Variants in BOC observed in about 807,000 individuals in gnomAD.
BOC encodes the protein brother of CDO.
Under a neutral mutation model 112.0 loss-of-function variants are expected in BOC, and 76 were observed. That is an observed-to-expected ratio of 0.68 (90% CI 0.56 to 0.82). BOC has a LOEUF of 0.82. Among genes scored for constraint, BOC ranks in the 40% least tolerant of loss-of-function variants. BOC has a pLI of 0.00. For synonymous variants in BOC, 580 were observed against 599.8 expected (o/e 0.97, Z 0.48); for missense variants, 1,309 against 1,511.7 (o/e 0.87, Z 2.22).
chr3:113,236,286 A>ATATATATATATATATACCCATGGG (rs1559821631), intron 2 of BOC, among the ~76,000 whole-genome samples: 4 of 15,138 alleles, frequency 2.6e-4, no homozygotes, highest in African/African-American at 1.0e-3. Context: ...CCATGGGTAT[A>ATATATATATATATATACCCATGGG]TATATATATA....
intron 2 of BOC, among the ~76,000 whole-genome samples, chr3:113,227,142 A>C (rs1436625198): frequency 6.6e-6 from 1 of 152,240 alleles, no homozygotes; most frequent in East Asian, 1.9e-4. Flanking sequence ...CTGCTGATTT[A>C]TAATTCTCCC....
chr3:113,272,487 A>G lies in BOC; in HGVS notation c.745A>G (p.Ile249Val), dbSNP rs373889456. 2.9e-5 allele frequency: 47 copies of G among 1,613,624 alleles called. No individual in the cohort carries two copies. In the African/African-American group the frequency reaches 6.3e-4, roughly 22 times the overall value. Residue 249 changes from isoleucine (I) to valine (V), a missense_variant, in exon 7 of 20, where the codon ATT (isoleucine) becomes GTT (valine). By Grantham distance (29) the Ile-to-Val change is conservative (BLOSUM62 3). Coordinates refer to ENST00000682979, the MANE Select transcript of BOC (RefSeq NM_001378074.1). ...TIIVTKGQSLILECVASGIPP... is the reference protein window; with the variant it reads ...TIIVTKGQSLVLECVASGIPP... ...CATCGTCACCAAAGGCCAGAGTCTCATTCTGGAGTGTGTGGCCAGTGGAAT... is the reference window on the plus strand; with the variant it reads ...CATCGTCACCAAAGGCCAGAGTCTCGTTCTGGAGTGTGTGGCCAGTGGAAT...
chr3:113,272,899 A>G (rs998369202), intron 7 of BOC, among the ~76,000 whole-genome samples, 170 bp from the exon 8 acceptor site: 1 of 151,944 alleles, frequency 6.6e-6, no homozygotes, highest in African/African-American at 2.4e-5. Flanking sequence ...CCCTCCTGTC[A>G]TGATTCTGAT....
At chr3:113,224,977 T>G (rs1181308215) in intron 2 of BOC, among the ~76,000 whole-genome samples, 2 of 152,100 alleles carry the variant, frequency 1.3e-5, no homozygotes, top group Non-Finnish European at 2.9e-5. Context: ...CTCGGGAGGC[T>G]GAGGCAGGAG....
chr3:113,273,260 G>GA lies in BOC; in HGVS notation c.1154dup (p.Asp385GlufsTer38). 6.2e-7 allele frequency: 1 copy of GA among 1,613,126 alleles called. No individual in the cohort carries two copies. The highest frequency in any genetic ancestry group is 8.5e-7 in the Non-Finnish European group (1 of 1,179,754). The stretch of plus-strand genomic sequence containing the variant: ...GCGCGTGCTCAGCATGGGGCCTGAG[G>GA]ACGAAGGCGTCTACCAGTGCATGGC... On this transcript the variant is annotated frameshift_variant, in exon 8 of 20. Transcript: ENST00000682979. LOFTEE classifies it high-confidence loss of function.
rs1163001413 is a variant in BOC at position 113,278,305 on chromosome 3, C to G, written c.1705+48C>G. ...TGCTTAGGGTTTCCGTGGGTCTAAG[C>G]AAGTTCCACTGGCCCAGGTGAGAAT... On this transcript the variant is annotated intron_variant, in intron 10 of 19. Coordinates refer to ENST00000682979, the MANE Select transcript of BOC (RefSeq NM_001378074.1). This position sits in a 1 kb window ranked among gnomAD's most constrained non-coding sequence, Gnocchi z 4.2. 3 of 1,590,804 alleles carry G rather than the reference C, an allele frequency of 1.9e-6. No individual in the cohort carries two copies. Among genetic ancestry groups the G allele is most frequent in the Admixed American group, 3.4e-5 (2 of 59,320 alleles).
intron 4 of BOC, among the ~76,000 whole-genome samples, 196 bp from the exon 5 acceptor site, chr3:113,268,103 A>G (rs1947702659): frequency 6.6e-6 from 1 of 152,152 alleles, no homozygotes; most frequent in East Asian, 1.9e-4. Flanking sequence ...AGTGAACCCC[A>G]TCAGTGATGA....
rs191732126 is a variant in BOC at position 113,229,369 on chromosome 3, C to T, written c.-82+13095C>T. Among the ~76,000 whole-genome samples the T allele has an allele frequency of 2.0e-5, 3 of 152,298 alleles. No homozygotes were observed. In the East Asian group the frequency reaches 5.8e-4, roughly 29 times the overall value. On this transcript the variant is annotated intron_variant, in intron 2 of 19. Coordinates refer to ENST00000682979, the MANE Select transcript of BOC (RefSeq NM_001378074.1). ...TTGGTGGCTTCTCAGGCTTTGATGT[C>T]CAAACGCTTAAATTTGCGCATGCTT...
rs1948831361 is a variant in BOC, at chr3:113,278,054, G to A, written c.1543-41G>A. The A allele has an allele frequency of 1.9e-6, 3 of 1,610,822 alleles. No individual in the cohort carries two copies. The highest frequency in any genetic ancestry group is 2.5e-6 in the Non-Finnish European group (3 of 1,177,686). On this transcript the variant is annotated intron_variant, in intron 9 of 19. Transcript: ENST00000682979. The surrounding 1 kb of genome is among the most constrained non-coding windows in gnomAD (Gnocchi z 4.2). Reference sequence around the variant, plus strand: ...GTAAACCATAGCCCACTCGTAGCCCGAGGCTGAGATGCCGGTCTTTATACC... The same window carrying A: ...GTAAACCATAGCCCACTCGTAGCCCAAGGCTGAGATGCCGGTCTTTATACC...
intron 5 of BOC, chr3:113,269,819 C>T (rs1009159960): frequency 6.6e-6 from 1 of 152,286 alleles, no homozygotes; most frequent in Non-Finnish European, 1.5e-5. Flanking sequence ...CCATCTGGCA[C>T]TTGCTAATAA....
intron 16 of BOC, 83 bp from the exon 17 acceptor site, chr3:113,284,252 C>A: frequency 1.7e-6 from 2 of 1,168,458 alleles, no homozygotes; most frequent in Non-Finnish European, 2.6e-6. Flanking sequence ...TGGCCAGGAG[C>A]CTCCTGAGAT....
intron 16 of BOC, among the ~76,000 whole-genome samples, chr3:113,283,917 A>C (rs1017356666): frequency 6.6e-6 from 1 of 151,910 alleles, no homozygotes; most frequent in Admixed American, 6.5e-5. Context: ...CTGACCTCAC[A>C]TTCCTACTTA....
At chr3:113,282,706 A>G (rs918453346) in intron 15 of BOC, among the ~76,000 whole-genome samples, 4 of 152,102 alleles carry the variant, frequency 2.6e-5, no homozygotes, top group African/African-American at 9.7e-5. Context: ...GGGAGGAACC[A>G]GGAAGGCCTC....
Position 113,216,253 on chromosome 3 carries a change from T to C in BOC, c.-103T>C, listed in dbSNP as rs1426037769. On this transcript the variant is annotated 5_prime_UTR_variant, in exon 2 of 20. Transcript: ENST00000682979. ...TGTCGACATTTATACCGTCTGAGGG[T>C]AGCAGCTCGAAAGTAGAAGAAGTGG... 7 of 456,282 alleles carry C rather than the reference T, an allele frequency of 1.5e-5. No homozygotes were observed. Among genetic ancestry groups the C allele is most frequent in the Non-Finnish European group, 3.1e-5 (7 of 226,884 alleles). The allele number at this position is 456,282 out of a possible 1,614,324, so 28.3% of individuals were successfully genotyped here. A position where few individuals can be genotyped will look rare whatever the true frequency, so the allele number is the denominator to read the frequency against.
chr3:113,274,264 G>T lies in BOC; in HGVS notation c.1235-111G>T. 9.6e-7 allele frequency: 1 copy of T among 1,044,452 alleles called. No homozygotes were observed. Among genetic ancestry groups the T allele is most frequent in the African/African-American group, 1.6e-5 (1 of 62,426 alleles). The allele number at this position is 1,044,452 out of a possible 1,614,324, so 64.7% of individuals were successfully genotyped here. On this transcript the variant is annotated intron_variant, in intron 8 of 19. Coordinates refer to ENST00000682979, the MANE Select transcript of BOC (RefSeq NM_001378074.1). This position sits in a 1 kb window ranked among gnomAD's most constrained non-coding sequence, Gnocchi z 4.8. ...CAGAGTGGGTGGCGGTACAGCTGAT[G>T]GTGGGCCCAGGTTGCCTCTCTGTCT... is the stretch of plus-strand genomic sequence containing the variant.
rs201443082 is a variant in BOC, at chr3:113,281,080, C to T, written c.2361C>T (p.Tyr787=). ...SISHLQPETS[Y]DIKMQCFNEG... ...GCCACCTGCAGCCAGAGACCTCCTA[C>T]GACATTAAGATGCAGTGCTTCAATG... is the stretch of plus-strand genomic sequence containing the variant. The change falls in exon 15 of 20, where the codon TAC becomes TAT. Residue 787 remains tyrosine, a synonymous_variant. Transcript: ENST00000682979. The T allele has an allele frequency of 9.3e-6, 15 of 1,613,996 alleles. No individual in the cohort carries two copies. The highest frequency in any genetic ancestry group is 5.5e-5 in the South Asian group (5 of 91,064).
At chr3:113,244,837 T>G (rs1181619549) in intron 2 of BOC, among the ~76,000 whole-genome samples, 1 of 152,224 alleles carries the variant, frequency 6.6e-6, no homozygotes, top group African/African-American at 2.4e-5. Flanking sequence ...TATAAGGAAG[T>G]AAATTCAGAA....
chr3:113,283,089 T>G (rs1031884812), intron 15 of BOC, among the ~76,000 whole-genome samples: 6 of 152,174 alleles, frequency 3.9e-5, no homozygotes, highest in Non-Finnish European at 7.3e-5. Flanking sequence ...AATATTTTCT[T>G]CCAAAAGTTC....
chr3:113,269,119 A>G (rs775209874), intron 5 of BOC, among the ~76,000 whole-genome samples: 1 of 152,210 alleles, frequency 6.6e-6, no homozygotes, highest in Non-Finnish European at 1.5e-5. Flanking sequence ...TAATAAGCCC[A>G]TTCATGGAGC....
Sources: allele counts gnomAD v4.1 joint callset (sites outside exome capture counted in the v4.1 genomes callset), GRCh38; gene constraint gnomAD v4.1.1; non-coding constraint Gnocchi (gnomAD v3.1); transcripts MANE v1.5; gene names NCBI Gene and HGNC (gene_info 2026-07-23, HGNC 2026-07-21).